ALCAM: variants seen among roughly 807,000 people sequenced by gnomAD.
The protein encoded by ALCAM is activated leukocyte cell adhesion molecule.
A neutral mutation model predicts 70.9 loss-of-function variants in ALCAM; 30 were observed. The observed-to-expected ratio is 0.42, with a 90% CI of 0.32 to 0.57. The LOEUF (loss-of-function observed/expected upper bound fraction) is 0.57. Among genes scored for constraint, ALCAM ranks in the 20% least tolerant of loss-of-function variants. The probability of loss-of-function intolerance (pLI) is 0.11; values close to 1 mark genes in which losing one functional copy is unlikely to be tolerated. For synonymous variants in ALCAM, 249 were observed against 242.5 expected (o/e 1.03, Z -0.25); for missense variants, 591 against 695.1 (o/e 0.85, Z 1.68).
chr3:105,372,508 C>T (rs1935261202), intron 1 of ALCAM, among the ~76,000 whole-genome samples: 1 of 152,064 alleles, frequency 6.6e-6, no homozygotes, highest in Non-Finnish European at 1.5e-5. Context: ...TTTAATGCTT[C>T]CTCTCTTATT....
intron 1 of ALCAM, among the ~76,000 whole-genome samples, chr3:105,430,725 T>C (rs1426009095): frequency 6.6e-6 from 1 of 152,126 alleles, no homozygotes; most frequent in Non-Finnish European, 1.5e-5. Context: ...TTCCAGAAGC[T>C]GCTTTTCCAA....
intron 3 of ALCAM, chr3:105,525,470 T>C (rs924382654): frequency 3.8e-6 from 2 of 533,038 alleles, no homozygotes; most frequent in Non-Finnish European, 4.8e-6. Flanking sequence ...AGAATGCCAG[T>C]CTTTCAGTCT....
At chr3:105,368,223 AAGAG>A (rs5851454) in intron 1 of ALCAM, among the ~76,000 whole-genome samples, 16,996 of 67,666 alleles carry the variant, frequency 0.25, 1,483 homozygotes, top group Non-Finnish European at 0.3. Flanking sequence ...TGAGTCTTGG[AAGAG>A]AGAGAGAGAG....
intron 1 of ALCAM, among the ~76,000 whole-genome samples, chr3:105,380,097 A>C (rs1201250597): frequency 1.3e-5 from 2 of 151,976 alleles, no homozygotes; most frequent in Admixed American, 6.6e-5. Flanking sequence ...AAAATCTTTT[A>C]AAATTACTCT....
At chr3:105,449,915 T>A (rs886759639) in intron 1 of ALCAM, among the ~76,000 whole-genome samples, 21 of 152,204 alleles carry the variant, frequency 1.4e-4, no homozygotes, top group African/African-American at 4.6e-4. Context: ...ATCCTCGTTT[T>A]CTAAATGATG....
intron 14 of ALCAM, among the ~76,000 whole-genome samples, chr3:105,561,409 A>G (rs1940628754): frequency 6.6e-6 from 1 of 152,074 alleles, no homozygotes. Context: ...CCTCCAATAC[A>G]CGGCTGAATA....
rs1391849690 is a variant in ALCAM at position 105,520,092 on chromosome 3, A to G, written c.99A>G (p.Ser33=). 1 of 1,611,184 alleles carries G rather than the reference A, an allele frequency of 6.2e-7. No individual in the cohort carries two copies. Among genetic ancestry groups the G allele is most frequent in the African/African-American group, 1.3e-5 (1 of 74,628 alleles). Residue 33 remains serine, a synonymous_variant, in exon 2 of 16, where the codon TCA becomes TCG. Coordinates refer to ENST00000306107, the MANE Select transcript of ALCAM (RefSeq NM_001627.4). ...RPGLGWYTVN[S]AYGDTIIIPC... ...GCCTTGGATGGTATACTGTAAATTC[A>G]GCATATGGAGATACCATTATCATAC... is the stretch of plus-strand genomic sequence containing the variant.
intron 1 of ALCAM, among the ~76,000 whole-genome samples, chr3:105,422,591 GT>G (rs1392817139): frequency 2.0e-5 from 3 of 151,552 alleles, no homozygotes; most frequent in East Asian, 3.9e-4. Flanking sequence ...TTATGGCGCT[GT>G]TGTAATCATT....
chr3:105,392,167 C>G (rs976474211), intron 1 of ALCAM, among the ~76,000 whole-genome samples: 1 of 151,806 alleles, frequency 6.6e-6, no homozygotes, highest in South Asian at 2.1e-4. Context: ...TTTGTACCTT[C>G]AGTAGAATTC....
At chr3:105,381,153 T>A (rs1935509463) in intron 1 of ALCAM, among the ~76,000 whole-genome samples, 1 of 151,922 alleles carries the variant, frequency 6.6e-6, no homozygotes, top group Non-Finnish European at 1.5e-5. Context: ...CACATAAAGT[T>A]CATTAAACAG....
Position 105,552,162 on chromosome 3 carries a change from A to T in ALCAM, c.1526A>T (p.Asp509Val), listed in dbSNP as rs1427402967. 1 of 1,602,736 alleles carries T rather than the reference A, an allele frequency of 6.2e-7. No individual in the cohort carries two copies. Among genetic ancestry groups the T allele is most frequent in the Non-Finnish European group, 8.5e-7 (1 of 1,175,738 alleles). The change falls in exon 13 of 16, where the codon GAT (aspartate) becomes GTT (valine). Residue 509 changes from aspartate (D) to valine (V), a missense_variant. By Grantham distance (152) the Asp-to-Val change is radical. Transcript: ENST00000306107. ...NVSAISIPEH[D>V]EADEISDENR... is the part of the protein sequence containing the mutation. ...ATTTCAGTAAGTATTCCAGAACACG[A>T]TGAGGCAGACGAGATAAGTGGTAGG...
In ALCAM at chr3:105,375,852, C is replaced by T. The variant is rs142565341; in HGVS notation, c.73+8371C>T. Among the ~76,000 whole-genome samples, 868 of 152,236 alleles carry T rather than the reference C, an allele frequency of 5.7e-3. 12 individuals carry two copies. The highest frequency in any genetic ancestry group is 0.02 in the African/African-American group (822 of 41,550). ...CAGAAAAGGCGACCTGATGTGGCCA[C>T]CAACAGTATGGCTAGGATACGGTTG... is the stretch of plus-strand genomic sequence containing the variant. On this transcript the variant is annotated intron_variant, in intron 1 of 15. Coordinates refer to ENST00000306107, the MANE Select transcript of ALCAM (RefSeq NM_001627.4).
chr3:105,369,261 T>C (rs1935161651), intron 1 of ALCAM, among the ~76,000 whole-genome samples: 1 of 152,062 alleles, frequency 6.6e-6, no homozygotes, highest in Non-Finnish European at 1.5e-5. Flanking sequence ...CGTCGCAGGA[T>C]AGGTTTTTCT....
At chr3:105,468,434 A>G (rs1435242814) in intron 1 of ALCAM, among the ~76,000 whole-genome samples, 4 of 151,292 alleles carry the variant, frequency 2.6e-5, no homozygotes, top group Admixed American at 2.0e-4. Flanking sequence ...TTTAATCATC[A>G]GACTGTATTT....
In ALCAM at chr3:105,510,461, G is replaced by T. The variant is rs58820459; in HGVS notation, c.74-9606G>T. 1.9e-4 allele frequency among the ~76,000 whole-genome samples: 29 copies of T among 152,204 alleles called. 1 individual carries two copies. The East Asian group carries it at 5.6e-3, about 29-fold the overall frequency. On this transcript the variant is annotated intron_variant, in intron 1 of 15. Coordinates refer to ENST00000306107, the MANE Select transcript of ALCAM (RefSeq NM_001627.4). Reference sequence around the variant, plus strand: ...GTAAGTTATGTTCCCAGCAGTTGGAGATCTATGAGGAACATTTTCATGTCC... The same window carrying T: ...GTAAGTTATGTTCCCAGCAGTTGGATATCTATGAGGAACATTTTCATGTCC...
At chr3:105,428,855 C>T (rs1045006716) in intron 1 of ALCAM, among the ~76,000 whole-genome samples, 3 of 151,792 alleles carry the variant, frequency 2.0e-5, no homozygotes, top group Admixed American at 2.0e-4. Context: ...TATGAATAAG[C>T]CCTTTAAAAA....
intron 2 of ALCAM, among the ~76,000 whole-genome samples, chr3:105,523,447 C>T (rs931185308): frequency 6.6e-6 from 1 of 152,074 alleles, no homozygotes; most frequent in African/African-American, 2.4e-5. Flanking sequence ...CCATAGAATC[C>T]TAAAATTTGT....
At chr3:105,486,331 A>G (rs980174669) in intron 1 of ALCAM, among the ~76,000 whole-genome samples, 1 of 152,122 alleles carries the variant, frequency 6.6e-6, no homozygotes, top group South Asian at 2.1e-4. Context: ...GTACTCAGCT[A>G]TTTGAGGTGT....
intron 5 of ALCAM, 136 bp from the exon 6 acceptor site, chr3:105,534,527 C>A (rs1464089561): frequency 1.3e-6 from 1 of 780,892 alleles, no homozygotes; most frequent in Non-Finnish European, 2.1e-6. Context: ...TCTAACCTCA[C>A]TACATGTCAA....
Sources: gnomAD v4.1 joint callset for allele counts (sites outside exome capture counted in the v4.1 genomes callset) on GRCh38, gnomAD v4.1.1 for gene constraint, MANE v1.5 for transcripts, NCBI Gene and HGNC (gene_info 2026-07-23, HGNC 2026-07-21) for gene names.